The following EED variants were observed in gnomAD, a reference collection of about 807,000 sequenced individuals.
The protein encoded by EED is polycomb protein EED.
A neutral mutation model predicts 61.0 loss-of-function variants in EED; 9 were observed. The observed-to-expected ratio is 0.15, with a 90% CI of 0.09 to 0.26. The LOEUF (loss-of-function observed/expected upper bound fraction) is 0.26. EED is among the 10% of genes least tolerant of loss of function. EED has a pLI of 1.00. For missense variants in EED, 315 were observed against 542.3 expected (o/e 0.58, Z 4.16); for synonymous variants, 187 against 174.4 (o/e 1.07, Z -0.57).
intron 1 of EED, 42 bp downstream of exon 1, chr11:86,245,385 G>A (rs1555176362): frequency 6.6e-7 from 1 of 1,509,926 alleles, no homozygotes; most frequent in Non-Finnish European, 9.1e-7. Context: ...CGGAGTGAAA[G>A]TTTTAAATTC....
At position 86,264,157 on chromosome 11, in the gene EED, G is replaced by C. The variant is rs774811170; in HGVS notation, c.635-15G>C. 2 of 1,589,678 alleles carry C rather than the reference G, an allele frequency of 1.3e-6. No individual in the cohort carries two copies. Among genetic ancestry groups the C allele is most frequent in the Non-Finnish European group, 8.6e-7 (1 of 1,164,724 alleles). On this transcript the variant is annotated splice_polypyrimidine_tract_variant and intron_variant, in intron 6 of 11. Transcript: ENST00000263360. ...AATAAAAAACATTCGCCTAATTTTTGTATGTTTATACTAGATCATGCTTTA... is the reference window on the plus strand; with the variant it reads ...AATAAAAAACATTCGCCTAATTTTTCTATGTTTATACTAGATCATGCTTTA...
At chr11:86,276,207 G>A (rs1480801894) in intron 9 of EED, 1 of 152,192 alleles carries the variant, frequency 6.6e-6, no homozygotes. Flanking sequence ...GACCTAGACA[G>A]TAATATGAAT....
At chr11:86,268,316 T>C in intron 8 of EED, 140 bp from the exon 9 acceptor site, 1 of 513,692 alleles carries the variant, frequency 1.9e-6, no homozygotes, top group Non-Finnish European at 3.4e-6. Flanking sequence ...ATAGATAAGG[T>C]GGTTGGTTAT....
At chr11:86,279,845 GT>G (rs1174328350), downstream of EED, among the ~76,000 whole-genome samples, 1 of 152,080 alleles carries the variant, frequency 6.6e-6, no homozygotes, top group African/African-American at 2.4e-5. Flanking sequence ...CGCTTCAATT[GT>G]TTTTTAGAAA....
chr11:86,261,410 T>C (rs1312105143), intron 6 of EED, among the ~76,000 whole-genome samples: 3 of 152,182 alleles, frequency 2.0e-5, no homozygotes, highest in Non-Finnish European at 4.4e-5. Flanking sequence ...GGCAGCCCCA[T>C]CTTTATGGGT....
chr11:86,280,778 A>G (rs557979765), downstream of EED, among the ~76,000 whole-genome samples: 26 of 152,340 alleles, frequency 1.7e-4, no homozygotes, highest in African/African-American at 6.0e-4. Context: ...CTTTTCACTA[A>G]TGAGTATGAT....
At chr11:86,279,176 G>T (rs941907304), downstream of EED, among the ~76,000 whole-genome samples, 14 of 152,160 alleles carry the variant, frequency 9.2e-5, no homozygotes, top group African/African-American at 3.4e-4. Flanking sequence ...TACAGAGTTA[G>T]AACCTCTGAT....
intron 5 of EED, 108 bp from the exon 6 acceptor site, chr11:86,257,407 G>T: frequency 3.2e-5 from 17 of 536,246 alleles, no homozygotes; most frequent in East Asian, 1.6e-4. Flanking sequence ...AGCCAAGGTT[G>T]AGAACCACTA....
chr11:86,281,577 A>C (rs1946323829), downstream of EED, among the ~76,000 whole-genome samples: 1 of 152,028 alleles, frequency 6.6e-6, no homozygotes, highest in African/African-American at 2.4e-5. Context: ...TTCCCTCTTA[A>C]AACTGTTTTT....
At chr11:86,279,262 C>G (rs896559935), downstream of EED, among the ~76,000 whole-genome samples, 1 of 151,150 alleles carries the variant, frequency 6.6e-6, no homozygotes, top group African/African-American at 2.4e-5. Flanking sequence ...CCATTGGTAA[C>G]CTTAGAGGAG....
chr11:86,265,861 A>T, intron 7 of EED: 1 of 331,278 alleles, frequency 3.0e-6, no homozygotes, highest in Non-Finnish European at 5.5e-6. Flanking sequence ...TTCTTGGTTT[A>T]TACATTGTAA....
In EED at chr11:86,245,215, G is replaced by A. The variant is rs1209833358; in HGVS notation, c.-15G>A. ...CCGCCCCAGGCGGCAGGAACCTGGA[G>A]GGAGGCGGAGGAATATGTCCGAGAG... On this transcript the variant is annotated 5_prime_UTR_variant, in exon 1 of 12. Transcript: ENST00000263360. 1.1e-5 allele frequency: 18 copies of A among 1,608,950 alleles called. No individual in the cohort carries two copies. Among genetic ancestry groups the A allele is most frequent in the Middle Eastern group, 1.7e-4 (1 of 6,012 alleles).
intron 1 of EED, among the ~76,000 whole-genome samples, chr11:86,246,661 A>T (rs1044951423): frequency 6.6e-6 from 1 of 152,160 alleles, no homozygotes; most frequent in Non-Finnish European, 1.5e-5. Flanking sequence ...CTCACTGTAC[A>T]TTGGGATCTA....
At position 86,245,115 on chromosome 11, in the gene EED, T is replaced by TGGAGGTGGCGGC. The variant is rs1276346677; in HGVS notation, c.-112_-101dup. The TGGAGGTGGCGGC allele has an allele frequency of 1.8e-6, 1 of 556,406 alleles. No individual in the cohort carries two copies. The highest frequency in any genetic ancestry group is 2.9e-6 in the Non-Finnish European group (1 of 339,546). The allele number at this position is 556,406 out of a possible 1,614,324, so 34.5% of individuals were successfully genotyped here. The stretch of plus-strand genomic sequence containing the variant: ...CGATTTGCGACAGTGGGGGGGGCGG[T>TGGAGGTGGCGGC]GGAGGTGGCGGCGGCAGCGGCAACT... On this transcript the variant is annotated 5_prime_UTR_variant, in exon 1 of 12. Coordinates refer to ENST00000263360, the MANE Select transcript of EED (RefSeq NM_003797.5).
intron 6 of EED, among the ~76,000 whole-genome samples, chr11:86,262,117 AAT>A (rs1945846098): frequency 6.6e-6 from 1 of 152,138 alleles, no homozygotes. Context: ...TCTGGGCTCA[AAT>A]GATCCTTCCA....
intron 8 of EED, chr11:86,268,194 C>T (rs552476338): frequency 1.7e-4 from 44 of 258,742 alleles, no homozygotes; most frequent in Middle Eastern, 1.2e-3. Flanking sequence ...TATAGTAAAA[C>T]GCAGGAAACT....
At chr11:86,254,948 GT>G (rs1188200877) in intron 3 of EED, among the ~76,000 whole-genome samples, 1 of 152,180 alleles carries the variant, frequency 6.6e-6, no homozygotes, top group Non-Finnish European at 1.5e-5. Context: ...TAGAGATGGG[GT>G]TTTGCTATGT....
Position 86,256,441 on chromosome 11 carries a change from C to G in EED, c.481C>G (p.Pro161Ala), listed in dbSNP as rs1377492603. 1.2e-6 allele frequency: 2 copies of G among 1,612,378 alleles called. No homozygotes were observed. Among genetic ancestry groups the G allele is most frequent in the African/African-American group, 1.3e-5 (1 of 74,878 alleles). ...AWTYDSNTSH[P>A]LLAVAGSRGI... is the part of the protein sequence containing the mutation. Reference sequence around the variant, plus strand: ...GACCTATGATAGCAATACGAGCCATCCTCTGCTGGCTGTAGCTGGATCTAG... The same window carrying G: ...GACCTATGATAGCAATACGAGCCATGCTCTGCTGGCTGTAGCTGGATCTAG... Residue 161 changes from proline (P) to alanine (A), a missense_variant, in exon 5 of 12, where the codon CCT (proline) becomes GCT (alanine). Pro to Ala is a conservative substitution (Grantham distance 27, BLOSUM62 -1). Transcript: ENST00000263360.
At chr11:86,275,518 A>G (rs1314916103) in intron 9 of EED, among the ~76,000 whole-genome samples, 1 of 152,338 alleles carries the variant, frequency 6.6e-6, no homozygotes, top group East Asian at 1.9e-4. Flanking sequence ...CTCTTAGATG[A>G]TTTTGAAGTG....
Sources: allele counts gnomAD v4.1 joint callset (sites outside exome capture counted in the v4.1 genomes callset), GRCh38; gene constraint gnomAD v4.1.1; transcripts MANE v1.5; gene names NCBI Gene and HGNC (gene_info 2026-07-23, HGNC 2026-07-21).